Variants in FBXO11 observed in about 807,000 individuals in gnomAD.
The protein encoded by FBXO11 is F-box only protein 11.
A neutral mutation model predicts 117.0 loss-of-function variants in FBXO11; 13 were observed. The observed-to-expected ratio is 0.11, with a 90% CI of 0.07 to 0.18. FBXO11 has a LOEUF of 0.18. Ranked by LOEUF, FBXO11 falls within the 10% of genes least tolerant of loss-of-function variation. The probability of loss-of-function intolerance (pLI) is 1.00; values close to 1 mark genes in which losing one functional copy is unlikely to be tolerated. For missense variants in FBXO11, 767 were observed against 1,164.4 expected (o/e 0.66, Z 4.97); for synonymous variants, 490 against 380.5 (o/e 1.29, Z -3.35).
chr2:47,824,961 CCTTAT>C (rs1365584431), intron 11 of FBXO11, among the ~76,000 whole-genome samples: 1 of 152,084 alleles, frequency 6.6e-6, no homozygotes, highest in Non-Finnish European at 1.5e-5. Flanking sequence ...CCATGTATTG[CCTTAT>C]ATTATTTCGA....
intron 1 of FBXO11, among the ~76,000 whole-genome samples, chr2:47,851,637 G>C (rs1465974705): frequency 1.3e-5 from 2 of 152,174 alleles, no homozygotes; most frequent in South Asian, 2.1e-4. Flanking sequence ...TATAGTAAGT[G>C]CCATACCAAG....
chr2:47,831,470 T>G (rs557147178), intron 11 of FBXO11, among the ~76,000 whole-genome samples: 4 of 150,312 alleles, frequency 2.7e-5, no homozygotes, highest in Non-Finnish European at 5.9e-5. Flanking sequence ...ATAAAAAAAT[T>G]TCTTTGTATA....
chr2:47,885,938 C>G (rs1180099048), intron 1 of FBXO11, among the ~76,000 whole-genome samples: 2 of 151,844 alleles, frequency 1.3e-5, no homozygotes, highest in South Asian at 2.1e-4. Flanking sequence ...TCCTTCCAAA[C>G]CATTTCAACC....
Position 47,818,842 on chromosome 2 carries a change from T to C in FBXO11, c.1943A>G (p.Asn648Ser), listed in dbSNP as rs778202709. Residue 648 changes from asparagine (N) to serine (S), a missense_variant, in exon 16 of 23, where the codon AAT becomes AGT. This residue lies in a region of FBXO11 where 42 missense variants were observed against 216.8 expected (regional missense o/e 0.19). Transcript: ENST00000403359. Reference protein sequence around the residue: ...GKQVGVYFYDNGHGVLEDNDI... With the variant: ...GKQVGVYFYDSGHGVLEDNDI... ...ATTGTCTTCTAGCACTCCATGTCCA[T>C]TGTCATAAAAATAAACACCAACCTA... The C allele has an allele frequency of 8.2e-6, 13 of 1,587,782 alleles. No individual in the cohort carries two copies. The highest frequency in any genetic ancestry group is 1.0e-5 in the Non-Finnish European group (12 of 1,172,726).
At chr2:47,852,795 C>A (rs1673973191) in intron 1 of FBXO11, among the ~76,000 whole-genome samples, 1 of 152,078 alleles carries the variant, frequency 6.6e-6, no homozygotes, top group South Asian at 2.1e-4. Context: ...TCATTGAATC[C>A]TTGCATCAAC....
intron 1 of FBXO11, among the ~76,000 whole-genome samples, chr2:47,860,214 CAAATAGTT>C (rs955643174): frequency 3.3e-5 from 5 of 152,058 alleles, no homozygotes; most frequent in Admixed American, 2.0e-4. Context: ...CACTTTATTC[CAAATAGTT>C]AAACTACTCA....
intron 13 of FBXO11, among the ~76,000 whole-genome samples, chr2:47,821,527 G>A (rs979181613): frequency 6.6e-6 from 1 of 151,784 alleles, no homozygotes; most frequent in Non-Finnish European, 1.5e-5. Context: ...GGAGAATGGC[G>A]TGAACCTGGG....
intron 1 of FBXO11, among the ~76,000 whole-genome samples, chr2:47,899,076 C>A (rs1453212219): frequency 6.6e-6 from 1 of 151,914 alleles, no homozygotes; most frequent in Non-Finnish European, 1.5e-5. Context: ...AGATCGAGAC[C>A]ATCCTGGCTA....
At chr2:47,839,542 T>A (rs1185674303) in intron 2 of FBXO11, 42 bp from the exon 3 acceptor site, 1 of 1,602,894 alleles carries the variant, frequency 6.2e-7, no homozygotes, top group South Asian at 1.1e-5. Flanking sequence ...AATATTCTTA[T>A]CATCCATAAT....
chr2:47,817,323 G>A (rs560932319), intron 16 of FBXO11, among the ~76,000 whole-genome samples: 4 of 152,138 alleles, frequency 2.6e-5, no homozygotes, highest in Non-Finnish European at 5.9e-5. Flanking sequence ...GGAATGTTGC[G>A]GCTGGTTTGT....
Position 47,836,909 on chromosome 2 carries a change from A to AT in FBXO11, c.588-909dup, listed in dbSNP as rs542713177. 922 of 360,042 alleles carry AT rather than the reference A, an allele frequency of 2.6e-3. 1 individual carries two copies. The highest frequency in any genetic ancestry group is 4.0e-3 in the South Asian group (193 of 48,384). The allele number at this position is 360,042 out of a possible 1,614,324, so 22.3% of individuals were successfully genotyped here. A position where few individuals can be genotyped will look rare whatever the true frequency, so the allele number is the denominator to read the frequency against. On this transcript the variant is annotated intron_variant, in intron 4 of 22. Transcript: ENST00000403359. ...AGTGATCCTCTTGTCTTATTTTTTG[A>AT]TTTTTTTTTGTAGAAATGAGGTCCC...
chr2:47,889,877 A>G (rs1412421745), intron 1 of FBXO11, among the ~76,000 whole-genome samples: 1 of 152,212 alleles, frequency 6.6e-6, no homozygotes, highest in African/African-American at 2.4e-5. Flanking sequence ...ACATTTGCAT[A>G]CTAAATTTTT....
intron 1 of FBXO11, chr2:47,905,177 A>G (rs984763840): frequency 9.1e-5 from 18 of 198,684 alleles, no homozygotes; most frequent in Non-Finnish European, 1.8e-4. Context: ...CCACCAACAG[A>G]CTCCCGCGGG....
intron 1 of FBXO11, among the ~76,000 whole-genome samples, chr2:47,862,934 A>C (rs887508890): frequency 6.6e-6 from 1 of 152,010 alleles, no homozygotes; most frequent in Non-Finnish European, 1.5e-5. Flanking sequence ...GCATGCTTGT[A>C]ATCCCAGCTA....
intron 1 of FBXO11, among the ~76,000 whole-genome samples, chr2:47,902,527 C>T (rs1012415896): frequency 6.6e-6 from 1 of 152,062 alleles, no homozygotes; most frequent in Non-Finnish European, 1.5e-5. Context: ...TACACACACA[C>T]ATAATGTATG....
rs868522905 is a variant in FBXO11 at position 47,810,099 on chromosome 2, C to T, written c.2338+217G>A. On this transcript the variant is annotated intron_variant, in intron 19 of 22. Transcript: ENST00000403359. ...TATCCCAATAAATGTTTCATAATCA[C>T]GACTAAGCAATAAGAGCAATATTTC... 6.6e-5 allele frequency: 34 copies of T among 513,588 alleles called. 1 individual carries two copies. The highest frequency in any genetic ancestry group is 1.1e-4 in the Admixed American group (3 of 26,658). 31.8% of individuals were successfully genotyped at this position (513,588 alleles called of 1,614,324 possible). A position where few individuals can be genotyped will look rare whatever the true frequency, so the allele number is the denominator to read the frequency against.
rs377169204 is a variant in FBXO11 at position 47,879,631 on chromosome 2, T to C, written c.232+25858A>G. Among the ~76,000 whole-genome samples the C allele has an allele frequency of 1.5e-3, 225 of 152,346 alleles. 11 individuals are homozygous for C. In the South Asian group the frequency reaches 0.043, roughly 29 times the overall value. On this transcript the variant is annotated intron_variant, in intron 1 of 22. Coordinates refer to ENST00000403359, the MANE Select transcript of FBXO11 (RefSeq NM_001190274.2). ...ATCAAGTTTCCAAGTACTTACTGCA[T>C]GTATATCAGGAAGGCTACCCTCTGT...
At chr2:47,885,902 T>G (rs1676800417) in intron 1 of FBXO11, among the ~76,000 whole-genome samples, 1 of 152,230 alleles carries the variant, frequency 6.6e-6, no homozygotes, top group Non-Finnish European at 1.5e-5. Context: ...AGGTATAGTT[T>G]AAGTACCCCC....
intron 1 of FBXO11, among the ~76,000 whole-genome samples, chr2:47,900,602 G>GTATACACGTGTGTGTA (rs1558486215): frequency 1.1e-5 from 1 of 90,550 alleles, no homozygotes; most frequent in Non-Finnish European, 2.4e-5. Flanking sequence ...ATATACACAC[G>GTATACACGTGTGTGTA]TATACACACG....
Sources: gnomAD v4.1 joint callset for allele counts (sites outside exome capture counted in the v4.1 genomes callset) on GRCh38, gnomAD v4.1.1 for gene constraint, gnomAD v4.1.1 regional missense constraint, MANE v1.5 for transcripts, NCBI Gene and HGNC (gene_info 2026-07-23, HGNC 2026-07-21) for gene names.